The following BLOC1S5 variants were observed in gnomAD, a reference collection of about 807,000 sequenced individuals.
The protein encoded by BLOC1S5 is biogenesis of lysosome-related organelles complex 1 subunit 5.
In BLOC1S5, 27 loss-of-function variants were observed where a neutral mutation model predicts 24.3. The observed-to-expected ratio is 1.11, with a 90% CI of 0.82 to 1.53. The LOEUF (loss-of-function observed/expected upper bound fraction) is 1.53. Among genes scored for constraint, BLOC1S5 ranks in the 40% most tolerant of loss-of-function variants. BLOC1S5 has a pLI of 0.00. For synonymous variants in BLOC1S5, 84 were observed against 74.5 expected (o/e 1.13, Z -0.66); for missense variants, 239 against 229.4 (o/e 1.04, Z -0.27).
At chr6:8,061,202 T>C (rs984242738) in intron 2 of BLOC1S5, among the ~76,000 whole-genome samples, 1 of 152,172 alleles carries the variant, frequency 6.6e-6, no homozygotes, top group African/African-American at 2.4e-5. Context: ...TAATTTTCTG[T>C]GTCTCCCACA....
intron 2 of BLOC1S5, chr6:8,041,768 T>G (rs1763700221): frequency 6.6e-6 from 1 of 151,630 alleles, no homozygotes; most frequent in Non-Finnish European, 1.5e-5. Flanking sequence ...TGCCTCAGCC[T>G]GCCGAGTAGC....
intron 2 of BLOC1S5, among the ~76,000 whole-genome samples, chr6:8,061,801 C>G (rs1319494369): frequency 2.0e-5 from 3 of 152,168 alleles, no homozygotes; most frequent in Non-Finnish European, 4.4e-5. Flanking sequence ...TATACATGTA[C>G]AAAACTACAG....
chr6:8,024,826 A>G (rs1034678435), intron 4 of BLOC1S5, among the ~76,000 whole-genome samples: 1 of 152,234 alleles, frequency 6.6e-6, no homozygotes, highest in African/African-American at 2.4e-5. Flanking sequence ...TTACCCATCA[A>G]TCTATCAGAT....
chr6:8,030,895 T>C (rs1763274895), intron 3 of BLOC1S5, among the ~76,000 whole-genome samples: 1 of 141,090 alleles, frequency 7.1e-6, no homozygotes, highest in Admixed American at 7.0e-5. Context: ...ATCATCTCAA[T>C]ACACTCAGAA....
intron 2 of BLOC1S5, among the ~76,000 whole-genome samples, chr6:8,062,212 AATGAGTCTGAAAAAC>A (rs1764537306): frequency 6.6e-6 from 1 of 152,100 alleles, no homozygotes; most frequent in Non-Finnish European, 1.5e-5. Flanking sequence ...AATTACAGAA[AATGAGTCTGAAAAAC>A]TCAGACCCAT....
At chr6:8,040,804 T>G (rs961961142) in intron 3 of BLOC1S5, among the ~76,000 whole-genome samples, 9 of 151,294 alleles carry the variant, frequency 5.9e-5, no homozygotes, top group Non-Finnish European at 1.0e-4. Flanking sequence ...TGTAGTGAGC[T>G]GAGATTGCAC....
chr6:8,050,582 G>A (rs1174990759), intron 2 of BLOC1S5, among the ~76,000 whole-genome samples: 2 of 149,248 alleles, frequency 1.3e-5, no homozygotes, highest in Non-Finnish European at 3.0e-5. Context: ...ATTTAGCCAA[G>A]ATGAGAATGG....
At chr6:8,035,627 C>T (rs144992458) in intron 3 of BLOC1S5, among the ~76,000 whole-genome samples, 2 of 152,130 alleles carry the variant, frequency 1.3e-5, no homozygotes, top group African/African-American at 4.8e-5. Context: ...TCAAAGACTG[C>T]AAAAAGAGAC....
intron 2 of BLOC1S5, among the ~76,000 whole-genome samples, chr6:8,047,935 A>C (rs760121982): frequency 3.9e-5 from 6 of 152,260 alleles, no homozygotes; most frequent in Non-Finnish European, 8.8e-5. Context: ...CACATACAAA[A>C]GGCAAGACAG....
intron 2 of BLOC1S5, among the ~76,000 whole-genome samples, chr6:8,059,410 T>C (rs905762859): frequency 3.3e-5 from 5 of 152,254 alleles, no homozygotes; most frequent in Non-Finnish European, 7.3e-5. Flanking sequence ...CCATATACCT[T>C]AAGTTTTTTA....
In BLOC1S5 at chr6:8,013,723, A is replaced by T. The variant is rs1762651026; in HGVS notation, c.*1926T>A. On this transcript the variant is annotated 3_prime_UTR_variant, in exon 5 of 5. Coordinates refer to ENST00000397457, the MANE Select transcript of BLOC1S5 (RefSeq NM_201280.3). ...TCGTTCAATGATGTGTTGGCAATTAATCGCATTCCAAAAAGTGTCTACGGT... is the reference window on the plus strand; with the variant it reads ...TCGTTCAATGATGTGTTGGCAATTATTCGCATTCCAAAAAGTGTCTACGGT... 1 of 152,218 alleles carries T rather than the reference A, an allele frequency of 6.6e-6. No homozygotes were observed. 9.4% of individuals were successfully genotyped at this position (152,218 alleles called of 1,614,324 possible).
intron 3 of BLOC1S5, among the ~76,000 whole-genome samples, chr6:8,032,362 T>C (rs1324829989): frequency 6.6e-6 from 1 of 152,094 alleles, no homozygotes; most frequent in East Asian, 1.9e-4. Context: ...TGAAAAATGC[T>C]CAATATCAAT....
intron 3 of BLOC1S5, among the ~76,000 whole-genome samples, chr6:8,039,519 A>G (rs1334177733): frequency 6.6e-6 from 1 of 152,240 alleles, no homozygotes; most frequent in Non-Finnish European, 1.5e-5. Context: ...TGGTCTTTCC[A>G]AATTATATGA....
intron 4 of BLOC1S5, among the ~76,000 whole-genome samples, chr6:8,023,831 T>C (rs905598747): frequency 7.1e-6 from 1 of 140,854 alleles, no homozygotes; most frequent in Non-Finnish European, 1.5e-5. Flanking sequence ...CACATGTGTA[T>C]ATGTGCACAT....
chr6:8,056,645 G>C (rs986639167), intron 2 of BLOC1S5, among the ~76,000 whole-genome samples: 3 of 152,156 alleles, frequency 2.0e-5, no homozygotes, highest in Non-Finnish European at 2.9e-5. Flanking sequence ...ACTAAGAACA[G>C]AGAGTGGAGC....
At chr6:8,035,338 T>G (rs1581410043) in intron 3 of BLOC1S5, among the ~76,000 whole-genome samples, 1 of 108,838 alleles carries the variant, frequency 9.2e-6, no homozygotes, top group Admixed American at 1.2e-4. Context: ...CAAAAAGGAA[T>G]AAAAATCTTT....
At chr6:8,041,655 CTTT>C (rs1554139177) in intron 2 of BLOC1S5, among the ~76,000 whole-genome samples, 1 of 111,870 alleles carries the variant, frequency 8.9e-6, no homozygotes, top group Non-Finnish European at 1.8e-5. Flanking sequence ...TTCTTTCTTT[CTTT>C]TTTTTTGAGA....
intron 2 of BLOC1S5, among the ~76,000 whole-genome samples, chr6:8,056,131 A>C (rs1764297276): frequency 1.3e-5 from 2 of 152,230 alleles, no homozygotes; most frequent in South Asian, 4.1e-4. Flanking sequence ...AGCCCCTTTG[A>C]TAACTTCCCA....
chr6:8,061,358 A>G (rs1019239492), intron 2 of BLOC1S5, among the ~76,000 whole-genome samples: 1 of 152,238 alleles, frequency 6.6e-6, no homozygotes, highest in Non-Finnish European at 1.5e-5. Context: ...TTAACGAACA[A>G]TGAACCTATT....
Sources: gnomAD v4.1 joint callset for allele counts (sites outside exome capture counted in the v4.1 genomes callset) on GRCh38, gnomAD v4.1.1 for gene constraint, MANE v1.5 for transcripts, NCBI Gene and HGNC (gene_info 2026-07-23, HGNC 2026-07-21) for gene names.